Variants in PEX5L observed in about 807,000 individuals in gnomAD.
The protein encoded by PEX5L is PEX5-related protein.
PEX5L carries 30 observed loss-of-function variants against 84.0 expected under a neutral mutation model. The ratio of observed to expected loss-of-function variants is 0.36; its 90% CI spans 0.27 to 0.48. The LOEUF (loss-of-function observed/expected upper bound fraction) is 0.48, where lower values mean the gene tolerates loss of function less well. Among genes scored for constraint, PEX5L ranks in the 20% least tolerant of loss-of-function variants. The pLI is 0.99. For missense variants in PEX5L, 533 were observed against 754.6 expected (o/e 0.71, Z 3.44); for synonymous variants, 270 against 283.1 (o/e 0.95, Z 0.46).
At chr3:179,870,176 A>C (rs781014613) in intron 7 of PEX5L, among the ~76,000 whole-genome samples, 2 of 152,256 alleles carry the variant, frequency 1.3e-5, no homozygotes, top group African/African-American at 2.4e-5. Flanking sequence ...ACATAGCAGT[A>C]GATACTGACA....
At chr3:179,966,999 T>C (rs895675588) in intron 2 of PEX5L, among the ~76,000 whole-genome samples, 2 of 152,204 alleles carry the variant, frequency 1.3e-5, no homozygotes, top group Non-Finnish European at 2.9e-5. Context: ...TTAAGGGGCA[T>C]TTATCTCCTG....
chr3:179,994,831 C>T (rs1285457694), intron 1 of PEX5L, among the ~76,000 whole-genome samples: 1 of 152,012 alleles, frequency 6.6e-6, no homozygotes, highest in Non-Finnish European at 1.5e-5. Context: ...ACTGGCTTAG[C>T]CCCTAGCCTA....
At chr3:179,945,038 G>A (rs771817122) in intron 2 of PEX5L, among the ~76,000 whole-genome samples, 2 of 152,222 alleles carry the variant, frequency 1.3e-5, no homozygotes, top group African/African-American at 4.8e-5. Context: ...GCTGTGCAAT[G>A]CTTGCACTCA....
intron 2 of PEX5L, among the ~76,000 whole-genome samples, chr3:179,949,986 C>A (rs1389688963): frequency 6.6e-6 from 1 of 152,194 alleles, no homozygotes; most frequent in East Asian, 1.9e-4. Flanking sequence ...CACTTGTGAG[C>A]CTTCTTCCCC....
chr3:179,900,926 C>T (rs548669725), intron 2 of PEX5L, among the ~76,000 whole-genome samples: 1 of 152,326 alleles, frequency 6.6e-6, no homozygotes, highest in South Asian at 2.1e-4. Context: ...AAAACCACTG[C>T]CAAATCAAGT....
chr3:179,963,995 A>C (rs59129248), intron 2 of PEX5L, among the ~76,000 whole-genome samples: 1 of 151,898 alleles, frequency 6.6e-6, no homozygotes, highest in Non-Finnish European at 1.5e-5. Flanking sequence ...GTACATGTAC[A>C]GGTTTGTTAT....
Position 179,971,892 on chromosome 3 carries a change from C to G in PEX5L, c.22-227G>C, listed in dbSNP as rs184926447. Among the ~76,000 whole-genome samples the G allele has an allele frequency of 3.3e-4, 50 of 152,146 alleles. No homozygotes were observed. The East Asian group carries it at 5.6e-3, about 17-fold the overall frequency. Reference sequence around the variant, plus strand: ...TTAGCCTCCACTACCCAACTTATACCTTTAATCTTTTTCTCAATATTCTTA... The same window carrying G: ...TTAGCCTCCACTACCCAACTTATACGTTTAATCTTTTTCTCAATATTCTTA... On this transcript the variant is annotated intron_variant, in intron 1 of 14. Coordinates refer to ENST00000467460, the MANE Select transcript of PEX5L (RefSeq NM_016559.3).
chr3:180,017,585 C>A (rs1337169440), intron 1 of PEX5L, among the ~76,000 whole-genome samples: 1 of 151,984 alleles, frequency 6.6e-6, no homozygotes, highest in Non-Finnish European at 1.5e-5. Context: ...TCATGTACAA[C>A]TGAGCCATAT....
intron 1 of PEX5L, among the ~76,000 whole-genome samples, chr3:179,975,786 C>T (rs778660220): frequency 2.4e-4 from 37 of 152,178 alleles, no homozygotes; most frequent in Non-Finnish European, 4.9e-4. Flanking sequence ...CAGATTTTCC[C>T]TGTCCTAAAA....
chr3:179,926,411 T>G (rs1771472678), intron 2 of PEX5L, among the ~76,000 whole-genome samples: 1 of 152,194 alleles, frequency 6.6e-6, no homozygotes, highest in Non-Finnish European at 1.5e-5. Context: ...TTACTAAGGC[T>G]TGTTCCAACC....
intron 8 of PEX5L, among the ~76,000 whole-genome samples, chr3:179,852,918 C>A (rs1742462544): frequency 6.6e-6 from 1 of 152,056 alleles, no homozygotes; most frequent in African/African-American, 2.4e-5. Flanking sequence ...AGTCATATAC[C>A]TTAAGCACTC....
intron 8 of PEX5L, among the ~76,000 whole-genome samples, chr3:179,826,558 G>T (rs1349812514): frequency 6.6e-6 from 1 of 152,154 alleles, no homozygotes; most frequent in Non-Finnish European, 1.5e-5. Context: ...GCAGCAAGTA[G>T]GGGCTGGTGA....
intron 1 of PEX5L, among the ~76,000 whole-genome samples, chr3:180,020,157 G>A (rs1031872864): frequency 2.0e-5 from 3 of 152,090 alleles, no homozygotes; most frequent in Non-Finnish European, 4.4e-5. Flanking sequence ...TATTCATTTC[G>A]CTTACAATTA....
intron 2 of PEX5L, among the ~76,000 whole-genome samples, chr3:179,907,290 G>A (rs997962499): frequency 6.6e-6 from 1 of 151,718 alleles, no homozygotes. Flanking sequence ...CATTATCTTG[G>A]AGCAAGAAGA....
intron 7 of PEX5L, among the ~76,000 whole-genome samples, chr3:179,864,622 G>A (rs981102809): frequency 1.3e-5 from 2 of 152,052 alleles, no homozygotes; most frequent in African/African-American, 2.4e-5. Flanking sequence ...GCACATTATG[G>A]TAACTATCAT....
chr3:179,987,481 T>C (rs1786963459), intron 1 of PEX5L, among the ~76,000 whole-genome samples: 2 of 152,236 alleles, frequency 1.3e-5, no homozygotes, highest in African/African-American at 4.8e-5. Context: ...AGTCTTGCTG[T>C]GTCAACTCTT....
At chr3:180,031,399 T>A (rs1175804797) in intron 1 of PEX5L, among the ~76,000 whole-genome samples, 1 of 152,180 alleles carries the variant, frequency 6.6e-6, no homozygotes, top group Non-Finnish European at 1.5e-5. Context: ...GAAAGAAACA[T>A]AACCCCCACT....
chr3:179,968,858 A>G (rs1784050858), intron 2 of PEX5L, among the ~76,000 whole-genome samples: 1 of 152,130 alleles, frequency 6.6e-6, no homozygotes, highest in Admixed American at 6.6e-5. Flanking sequence ...AAAGAGAGAA[A>G]CACAACATTG....
intron 7 of PEX5L, among the ~76,000 whole-genome samples, chr3:179,867,257 A>T (rs760499770): frequency 3.3e-5 from 5 of 152,140 alleles, no homozygotes; most frequent in Admixed American, 6.6e-5. Flanking sequence ...ACTAGTTTTA[A>T]AAATGATCCA....
Sources: gnomAD v4.1 joint callset for allele counts (sites outside exome capture counted in the v4.1 genomes callset) on GRCh38, gnomAD v4.1.1 for gene constraint, MANE v1.5 for transcripts, NCBI Gene and HGNC (gene_info 2026-07-23, HGNC 2026-07-21) for gene names.